SUPT3H: variants seen among roughly 807,000 people sequenced by gnomAD.
SUPT3H encodes SPT3 homolog, SAGA and STAGA complex component, also known as transcription initiation protein SPT3 homolog.
Under a neutral mutation model 44.3 loss-of-function variants are expected in SUPT3H, and 44 were observed. The ratio of observed to expected loss-of-function variants is 0.99; its 90% CI spans 0.78 to 1.28. SUPT3H has a LOEUF of 1.28. SUPT3H is among the 50% of genes most tolerant of loss of function. The probability of loss-of-function intolerance (pLI) is 0.00; values close to 1 mark genes in which losing one functional copy is unlikely to be tolerated. For missense variants in SUPT3H, 380 were observed against 387.1 expected (o/e 0.98, Z 0.15); for synonymous variants, 124 against 125.6 (o/e 0.99, Z 0.09).
At chr6:45,106,067 T>A in intron 2 of SUPT3H, 61 bp from the exon 3 acceptor site, 1 of 1,317,714 alleles carries the variant, frequency 7.6e-7, no homozygotes. Context: ...AGGCAAAAAG[T>A]GAAACATTTA....
intron 6 of SUPT3H, among the ~76,000 whole-genome samples, chr6:44,976,122 G>A (rs1340427201): frequency 6.6e-6 from 1 of 152,152 alleles, no homozygotes; most frequent in Non-Finnish European, 1.5e-5. Flanking sequence ...CTGTCACAGA[G>A]ACTGATCTAA....
intron 2 of SUPT3H, among the ~76,000 whole-genome samples, chr6:45,123,816 T>C (rs1367395020): frequency 6.6e-6 from 1 of 152,212 alleles, no homozygotes; most frequent in Non-Finnish European, 1.5e-5. Flanking sequence ...TGAATGTGTA[T>C]AGCTATGCTG....
chr6:45,191,058 C>T (rs1490228599), intron 2 of SUPT3H, among the ~76,000 whole-genome samples: 1 of 151,978 alleles, frequency 6.6e-6, no homozygotes, highest in Non-Finnish European at 1.5e-5. Flanking sequence ...AATCAAATAC[C>T]TTGGTATTTA....
At chr6:44,898,817 TC>T in intron 10 of SUPT3H, 1 of 152,304 alleles carries the variant, frequency 6.6e-6, no homozygotes, top group East Asian at 1.9e-4. Flanking sequence ...AACAGGGTAT[TC>T]TTCCTATGCT....
intron 3 of SUPT3H, among the ~76,000 whole-genome samples, chr6:45,064,774 T>C (rs931970404): frequency 9.5e-5 from 14 of 146,984 alleles, no homozygotes; most frequent in Admixed American, 1.4e-4. Context: ...CCTAAATATA[T>C]ATGCACCCAA....
chr6:45,246,450 T>G (rs1488805860), intron 2 of SUPT3H, among the ~76,000 whole-genome samples: 3 of 152,126 alleles, frequency 2.0e-5, no homozygotes, highest in African/African-American at 7.2e-5. Context: ...TTAACCATCA[T>G]CGTAACAGGA....
At chr6:44,941,405 T>C (rs1772407764) in intron 9 of SUPT3H, among the ~76,000 whole-genome samples, 1 of 107,856 alleles carries the variant, frequency 9.3e-6, no homozygotes, top group African/African-American at 3.7e-5. Context: ...TCTTACTGTA[T>C]ACAAAATTTT....
At chr6:44,841,205 ATAT>A (rs1217645569) in intron 10 of SUPT3H, among the ~76,000 whole-genome samples, 1 of 152,178 alleles carries the variant, frequency 6.6e-6, no homozygotes, top group African/African-American at 2.4e-5. Flanking sequence ...GTCCTAACAG[ATAT>A]TATTATTAGT....
chr6:45,304,385 T>A (rs1236951677), intron 2 of SUPT3H, among the ~76,000 whole-genome samples: 5 of 152,202 alleles, frequency 3.3e-5, no homozygotes, highest in African/African-American at 1.2e-4. Context: ...CTTTGATAAT[T>A]ATGCTCAAAG....
At chr6:45,377,151 T>G (rs1050101093) in intron 1 of SUPT3H, among the ~76,000 whole-genome samples, 1 of 152,192 alleles carries the variant, frequency 6.6e-6, no homozygotes, top group African/African-American at 2.4e-5. Context: ...AGAGCTAATA[T>G]GTACTGAGCA....
intron 2 of SUPT3H, among the ~76,000 whole-genome samples, chr6:45,286,533 G>C (rs147688670): frequency 0.018 from 2,686 of 152,174 alleles, 50 homozygotes; most frequent in South Asian, 0.085. Context: ...AAATCAAAAC[G>C]ACAATGAGAT....
rs546856416 is a variant in SUPT3H at position 44,839,847 on chromosome 6, G to A, written c.913-9990C>T. Among the ~76,000 whole-genome samples the A allele has an allele frequency of 2.2e-3, 330 of 152,194 alleles. 1 individual carries two copies. Among genetic ancestry groups the A allele is most frequent in the African/African-American group, 7.6e-3 (316 of 41,524 alleles). ...CTCCCGAGTAGCTGGGACTACAGGT[G>A]CCCGCCACCACGCCCGGCTACTTTT... is the stretch of plus-strand genomic sequence containing the variant. On this transcript the variant is annotated intron_variant, in intron 10 of 10. Coordinates refer to ENST00000371459, the MANE Select transcript of SUPT3H (RefSeq NM_003599.4).
chr6:45,010,101 T>A (rs2153510196), intron 5 of SUPT3H, among the ~76,000 whole-genome samples: 1 of 152,302 alleles, frequency 6.6e-6, no homozygotes, highest in East Asian at 1.9e-4. Flanking sequence ...GATGCTATTG[T>A]AAATGGCATT....
At chr6:45,328,859 G>A (rs1025653104) in intron 2 of SUPT3H, 4 of 1,460,330 alleles carry the variant, frequency 2.7e-6, no homozygotes, top group Non-Finnish European at 3.8e-6. Context: ...TTGATAAACT[G>A]CTAGCTTTTC....
At chr6:44,836,441 G>A (rs529238748) in intron 10 of SUPT3H, among the ~76,000 whole-genome samples, 5 of 152,156 alleles carry the variant, frequency 3.3e-5, no homozygotes, top group South Asian at 2.1e-4. Context: ...GGTCTTCTCC[G>A]GCTGGCAGAA....
intron 10 of SUPT3H, among the ~76,000 whole-genome samples, chr6:44,836,524 T>C (rs1254671732): frequency 2.0e-5 from 3 of 152,154 alleles, no homozygotes; most frequent in Non-Finnish European, 4.4e-5. Flanking sequence ...GAGGAACTTG[T>C]CATTTTATGC....
At chr6:44,900,531 G>T (rs1220063088) in intron 10 of SUPT3H, among the ~76,000 whole-genome samples, 1 of 152,188 alleles carries the variant, frequency 6.6e-6, no homozygotes, top group African/African-American at 2.4e-5. Context: ...CAGGAAGCTC[G>T]AACTGGGTGG....
At chr6:45,349,090 G>A (rs886896248) in intron 2 of SUPT3H, among the ~76,000 whole-genome samples, 2 of 152,134 alleles carry the variant, frequency 1.3e-5, no homozygotes, top group African/African-American at 2.4e-5. Context: ...GTGGGATCCT[G>A]ATTATAAATG....
At chr6:45,263,233 T>G (rs951658589) in intron 2 of SUPT3H, among the ~76,000 whole-genome samples, 5 of 152,088 alleles carry the variant, frequency 3.3e-5, no homozygotes, top group African/African-American at 1.2e-4. Context: ...GGAATCAACC[T>G]AGATGCCCAT....
Sources: gnomAD v4.1 joint callset for allele counts (sites outside exome capture counted in the v4.1 genomes callset) on GRCh38, gnomAD v4.1.1 for gene constraint, MANE v1.5 for transcripts, NCBI Gene and HGNC (gene_info 2026-07-23, HGNC 2026-07-21) for gene names.